Variants in AP3D1 observed in about 807,000 individuals in gnomAD.
The protein encoded by AP3D1 is AP-3 complex subunit delta-1.
AP3D1 carries 51 observed loss-of-function variants against 147.6 expected under a neutral mutation model. That is an observed-to-expected ratio of 0.35 (90% CI 0.28 to 0.44). The LOEUF is 0.44. Among genes scored for constraint, AP3D1 ranks in the 20% least tolerant of loss-of-function variants. The pLI is 1.00. For synonymous variants in AP3D1, 760 were observed against 663.0 expected (o/e 1.15, Z -2.25); for missense variants, 1,421 against 1,624.2 (o/e 0.87, Z 2.15).
At chr19:2,161,011 T>G in intron 1 of AP3D1, among the ~76,000 whole-genome samples, 1 of 151,970 alleles carries the variant, frequency 6.6e-6, no homozygotes, top group Non-Finnish European at 1.5e-5. Context: ...CTGCATCCCA[T>G]GATCCACCAC....
In AP3D1 at chr19:2,116,915, G is replaced by T. The variant is rs10439148; in HGVS notation, c.1860-169C>A. ...AGGTGTCACTGCCCCTTAAGAGGAC[G>T]CAGGGACCCAGGAAGACTGCGGCAG... On this transcript the variant is annotated intron_variant, in intron 16 of 31. Transcript: ENST00000643116. 34 of 987,122 alleles carry T rather than the reference G, an allele frequency of 3.4e-5. No individual in the cohort carries two copies. In the African/African-American group the frequency reaches 5.4e-4, roughly 16 times the overall value. The allele number at this position is 987,122 out of a possible 1,614,324, so 61.1% of individuals were successfully genotyped here.
chr19:2,111,444 G>A, intron 25 of AP3D1, 112 bp from the exon 26 acceptor site: 1 of 1,393,986 alleles, frequency 7.2e-7, no homozygotes, highest in Non-Finnish European at 9.9e-7. Context: ...GAATGCTTGG[G>A]GCAAGGGGCT....
At position 2,121,781 on chromosome 19, in the gene AP3D1, T is replaced by C; in HGVS notation, c.1054A>G (p.Lys352Glu). The C allele has an allele frequency of 6.2e-7, 1 of 1,612,890 alleles. No individual in the cohort carries two copies. The highest frequency in any genetic ancestry group is 8.5e-7 in the Non-Finnish European group (1 of 1,179,556). The change falls in exon 12 of 32, where the codon AAG (lysine) becomes GAG (glutamate). Residue 352 changes from lysine (K) to glutamate (E), a missense_variant. This residue lies in a region of AP3D1 where 310 missense variants were observed against 388.1 expected (regional missense o/e 0.80). Coordinates refer to ENST00000643116, the MANE Select transcript of AP3D1 (RefSeq NM_001261826.3). ...KDLILQCLDD[K>E]DESIRLRALD... is the part of the protein sequence containing the mutation. ...GCCCGCAGCCGGATGGACTCGTCCT[T>C]GTCGTCCAGGCACTGCAGGATGAGG... is the stretch of plus-strand genomic sequence containing the variant.
rs774723231 is a variant in AP3D1, at chr19:2,110,860, G to C, written c.3022C>G (p.Gln1008Glu). 5 of 1,613,506 alleles carry C rather than the reference G, an allele frequency of 3.1e-6. No homozygotes were observed. The highest frequency in any genetic ancestry group is 2.5e-6 in the Non-Finnish European group (3 of 1,180,004). ...DIRGSLQEDS[Q>E]VTVAIVLENR... ...TCCAGCACGATGGCCACAGTGACCT[G>C]GCTGTCCTCCTGCAGACTGCCCCGG... The change falls in exon 27 of 32, where the codon CAG becomes GAG. Residue 1008 changes from glutamine to glutamate, a missense_variant. By Grantham distance (29) the Gln-to-Glu change is conservative. Transcript: ENST00000643116.
intron 5 of AP3D1, among the ~76,000 whole-genome samples, chr19:2,130,787 C>T (rs1568297019): frequency 6.6e-6 from 1 of 152,338 alleles, no homozygotes; most frequent in South Asian, 2.1e-4. Context: ...GGTCCTGGGT[C>T]CCACAGTGGG....
chr19:2,138,816 C>T, intron 1 of AP3D1, 102 bp from the exon 2 acceptor site: 2 of 806,836 alleles, frequency 2.5e-6, no homozygotes. Flanking sequence ...AATCCCAGCA[C>T]TTTGGGAGGC....
chr19:2,141,487 G>A (rs2019219132), intron 1 of AP3D1, among the ~76,000 whole-genome samples: 1 of 146,936 alleles, frequency 6.8e-6, no homozygotes, highest in Non-Finnish European at 1.5e-5. Flanking sequence ...AGGCTGGAGT[G>A]CAGTGGTACG....
rs112919897 is a variant in AP3D1 at position 2,147,834 on chromosome 19, G to A, written c.96+3405C>T. On this transcript the variant is annotated intron_variant, in intron 1 of 31. Coordinates refer to ENST00000643116, the MANE Select transcript of AP3D1 (RefSeq NM_001261826.3). ...TGGGAGGTGGAGGTTGCAGTGAGCC[G>A]AGATCGTGCCACTGCACTCCAGCCT... Among the ~76,000 whole-genome samples, 386 of 142,386 alleles carry A rather than the reference G, an allele frequency of 2.7e-3. 2 individuals carry two copies. Among genetic ancestry groups the A allele is most frequent in the African/African-American group, 9.6e-3 (366 of 38,124 alleles). The allele number at this position is 142,386 out of a possible 152,430, so 93.4% of individuals were successfully genotyped here.
At chr19:2,109,011 C>A (rs1196744919) in intron 30 of AP3D1, 75 bp downstream of exon 30, 5 of 1,583,804 alleles carry the variant, frequency 3.2e-6, no homozygotes, top group Non-Finnish European at 4.3e-6. Context: ...GCCACAGGCC[C>A]GGCTCCAATA....
In AP3D1 at chr19:2,121,275, G is replaced by A. The variant is rs754448438; in HGVS notation, c.1138C>T (p.Leu380=). ...TCTGCCTTGTCTACGTGGGTCATCA[G>A]CTTCTTCACGATCTCCATCAGGTTC... ...KKNLMEIVKK[L]MTHVDKAEGT... Residue 380 remains leucine (L), a synonymous_variant, in exon 13 of 32, where the codon CTG becomes TTG. Transcript: ENST00000643116. 6.2e-7 allele frequency: 1 copy of A among 1,614,206 alleles called. No homozygotes were observed. Among genetic ancestry groups the A allele is most frequent in the South Asian group, 1.1e-5 (1 of 91,082 alleles).
intron 16 of AP3D1, chr19:2,117,006 G>C (rs1206874079): frequency 5.0e-6 from 4 of 803,856 alleles, no homozygotes; most frequent in East Asian, 5.7e-5. Flanking sequence ...GGTGGGAGCA[G>C]GCCCACTTCG....
intron 14 of AP3D1, among the ~76,000 whole-genome samples, chr19:2,120,154 C>T (rs982027966): frequency 3.3e-5 from 5 of 152,056 alleles, no homozygotes; most frequent in African/African-American, 9.7e-5. Context: ...TGAGGCATAG[C>T]AGCAAATCTC....
intron 4 of AP3D1, among the ~76,000 whole-genome samples, chr19:2,136,296 C>T (rs1328388385): frequency 1.3e-5 from 2 of 152,220 alleles, no homozygotes; most frequent in Non-Finnish European, 2.9e-5. Flanking sequence ...TGCTGGGAGC[C>T]CCCAGCCCAG....
Position 2,125,227 on chromosome 19 carries a change from G to A in AP3D1, c.857-1348C>T, listed in dbSNP as rs1157623013. On this transcript the variant is annotated intron_variant, in intron 9 of 31. Transcript: ENST00000643116. ...ACATATAAATGTAAATACGAACGAA[G>A]AAATGTGGCAAAATAAATGCATATT... 3.3e-5 allele frequency among the ~76,000 whole-genome samples: 5 copies of A among 152,292 alleles called. No individual in the cohort carries two copies. In the Middle Eastern group the frequency reaches 0.01, roughly 311 times the overall value.
At position 2,120,849 on chromosome 19, in the gene AP3D1, A is replaced by G. The variant is rs374533212; in HGVS notation, c.1481+13T>C. 2 of 1,601,934 alleles carry G rather than the reference A, an allele frequency of 1.2e-6. No individual in the cohort carries two copies. Among genetic ancestry groups the G allele is most frequent in the East Asian group, 2.2e-5 (1 of 44,728 alleles). On this transcript the variant is annotated intron_variant, in intron 14 of 31. Transcript: ENST00000643116. ...GGAGAAGCTGCCAGCCCAGAGGCCC[A>G]GCGCCCACTCACTCTGAGAACTCCC...
At chr19:2,109,287 C>G in intron 29 of AP3D1, 80 bp from the exon 30 acceptor site, 1 of 1,490,670 alleles carries the variant, frequency 6.7e-7, no homozygotes, top group Non-Finnish European at 8.9e-7. Context: ...CAAAACCTGC[C>G]ACACACGCTG....
intron 1 of AP3D1, among the ~76,000 whole-genome samples, chr19:2,149,672 C>G (rs2019454086): frequency 6.6e-6 from 1 of 152,028 alleles, no homozygotes; most frequent in Non-Finnish European, 1.5e-5. Flanking sequence ...CCAGTGAAGA[C>G]AGGCACATCC....
Position 2,129,507 on chromosome 19 carries a change from ACCAT to A in AP3D1, c.593-54_593-51del, listed in dbSNP as rs748202849. 30 of 1,585,576 alleles carry A rather than the reference ACCAT, an allele frequency of 1.9e-5. No individual in the cohort carries two copies. The African/African-American group carries it at 3.8e-4, about 20-fold the overall frequency. ...GCATGCCTGTCCTTCCACCTAGAAA[ACCAT>A]CCTACTGTCTTCCTGGCCCGCGAGG... On this transcript the variant is annotated intron_variant, in intron 6 of 31. Coordinates refer to ENST00000643116, the MANE Select transcript of AP3D1 (RefSeq NM_001261826.3).
intron 8 of AP3D1, 34 bp from the exon 9 acceptor site, chr19:2,127,235 A>T: frequency 6.2e-7 from 1 of 1,609,800 alleles, no homozygotes. Context: ...CGGCATGAGG[A>T]CTGGGGGCCT....
Sources: gnomAD v4.1 joint callset for allele counts (sites outside exome capture counted in the v4.1 genomes callset) on GRCh38, gnomAD v4.1.1 for gene constraint, gnomAD v4.1.1 regional missense constraint, MANE v1.5 for transcripts, NCBI Gene and HGNC (gene_info 2026-07-23, HGNC 2026-07-21) for gene names.